The following RAB11FIP5 variants were observed in gnomAD, a reference collection of about 807,000 sequenced individuals.
RAB11FIP5 encodes RAB11 family interacting protein 5.
A neutral mutation model predicts 85.1 loss-of-function variants in RAB11FIP5; 48 were observed. That is an observed-to-expected ratio of 0.56 (90% CI 0.45 to 0.72). RAB11FIP5 has a LOEUF of 0.72. Ranked by LOEUF, RAB11FIP5 falls within the 30% of genes least tolerant of loss-of-function variation. The pLI is 0.00. For missense variants in RAB11FIP5, 1,491 were observed against 1,687.0 expected, an observed-to-expected ratio of 0.88 and a Z score of 2.04; for synonymous variants, 729 against 727.3, an observed-to-expected ratio of 1.00 and a Z score of -0.04.
Position 73,081,476 on chromosome 2 carries a change from C to A in RAB11FIP5, c.1756G>T (p.Glu586Ter). The change falls in exon 4 of 6, where the codon GAA becomes TAA. Residue 586 changes from glutamate to a stop codon, truncating the protein, a stop_gained. Transcript: ENST00000486777. LOFTEE classifies it high-confidence loss of function. The surrounding 1 kb of genome is among the most constrained non-coding windows in gnomAD (Gnocchi z 4.2). ...CCCAATAATCCAGGTGGGGTGGCTT[C>A]AGGGGCGGCGGTGGTGGCGGCAGCG... Reference protein sequence around the residue: ...AAAAATTAAPEATPPGLLGLT... With the variant: ...AAAAATTAAP 1 of 1,234,396 alleles carries A rather than the reference C, an allele frequency of 8.1e-7. No homozygotes were observed. The highest frequency in any genetic ancestry group is 1.0e-6 in the Non-Finnish European group (1 of 989,448). 76.5% of individuals were successfully genotyped at this position (1,234,396 alleles called of 1,614,324 possible). A position where few individuals can be genotyped will look rare whatever the true frequency, so the allele number is the denominator to read the frequency against.
intron 1 of RAB11FIP5, among the ~76,000 whole-genome samples, chr2:73,097,227 G>A (rs1684337089): frequency 1.3e-5 from 2 of 152,176 alleles, no homozygotes; most frequent in South Asian, 2.1e-4. Flanking sequence ...AGTAGAGACG[G>A]GGTTTTTCCA....
In RAB11FIP5 at chr2:73,079,739, C is replaced by A; in HGVS notation, c.3493G>T (p.Glu1165Ter). 1 of 1,232,948 alleles carries A rather than the reference C, an allele frequency of 8.1e-7. No homozygotes were observed. The highest frequency in any genetic ancestry group is 3.2e-5 in the East Asian group (1 of 31,716). The allele number at this position is 1,232,948 out of a possible 1,614,324, so 76.4% of individuals were successfully genotyped here. The stretch of plus-strand genomic sequence containing the variant: ...GCTGGGGTGGCTGCAGCGAGGTCCT[C>A]CCTAAGTAGGGCAGGGGAGCCCCCA... The part of the protein sequence containing the change: ...PPGGSPALLR[E>*]DLAAATPASP... Residue 1165 changes from glutamate to a stop codon, truncating the protein, a stop_gained, in exon 4 of 6, where the codon GAG becomes TAG. Transcript: ENST00000486777. LOFTEE classifies it high-confidence loss of function.
intron 1 of RAB11FIP5, 45 bp downstream of exon 1, chr2:73,112,302 T>G (rs4143146): frequency 0.85 from 1,287,533 of 1,509,238 alleles, 549,941 homozygotes; most frequent in Admixed American, 0.94. Flanking sequence ...AGCCCCGCCC[T>G]GTTAGGCCTT....
intron 1 of RAB11FIP5, among the ~76,000 whole-genome samples, chr2:73,091,282 C>G (rs927034755): frequency 3.9e-5 from 6 of 152,194 alleles, no homozygotes; most frequent in African/African-American, 1.4e-4. Flanking sequence ...CTTAGCAACA[C>G]TGGGCACCAC....
chr2:73,080,729 A>G lies in RAB11FIP5; in HGVS notation c.2503T>C (p.Trp835Arg). ...DVETADDAWPWDVVTISPAAE... is the reference protein window; with the variant it reads ...DVETADDAWPRDVVTISPAAE... ...GCAGGAGAAATGGTGACCACATCCCAAGGCCAGGCATCATCAGCTGTCTCG... is the reference window on the plus strand; with the variant it reads ...GCAGGAGAAATGGTGACCACATCCCGAGGCCAGGCATCATCAGCTGTCTCG... Residue 835 changes from tryptophan (W) to arginine (R), a missense_variant, in exon 4 of 6, where the codon TGG (tryptophan) becomes CGG (arginine). Coordinates refer to ENST00000486777, the MANE Select transcript of RAB11FIP5 (RefSeq NM_001371272.1). 8.1e-7 allele frequency: 1 copy of G among 1,232,542 alleles called. No homozygotes were observed. The allele number at this position is 1,232,542 out of a possible 1,614,324, so 76.4% of individuals were successfully genotyped here.
At position 73,075,850 on chromosome 2, in the gene RAB11FIP5, G is replaced by C. The variant is rs1574291467; in HGVS notation, c.3772-126C>G. The C allele has an allele frequency of 2.8e-6, 4 of 1,447,944 alleles. No individual in the cohort carries two copies. The highest frequency in any genetic ancestry group is 2.5e-4 in the Middle Eastern group (1 of 4,064). The allele number at this position is 1,447,944 out of a possible 1,614,324, so 89.7% of individuals were successfully genotyped here. A position where few individuals can be genotyped will look rare whatever the true frequency, so the allele number is the denominator to read the frequency against. ...ACCACCACAGGGCCCCAGGCTGCCT[G>C]TCTCCAAAGTCAGAGCCTAACTGGC... On this transcript the variant is annotated intron_variant, in intron 5 of 5. Transcript: ENST00000486777. This position sits in a 1 kb window ranked among gnomAD's most constrained non-coding sequence, Gnocchi z 4.6.
chr2:73,075,616 C>T lies in RAB11FIP5; in HGVS notation c.3880G>A (p.Val1294Met). The T allele has an allele frequency of 1.2e-6, 2 of 1,614,142 alleles. No individual in the cohort carries two copies. The highest frequency in any genetic ancestry group is 8.5e-7 in the Non-Finnish European group (1 of 1,180,000). The change falls in exon 6 of 6, where the codon GTG (valine) becomes ATG (methionine). Residue 1294 changes from valine to methionine, a missense_variant. By Grantham distance (21) the Val-to-Met change is conservative (BLOSUM62 1). This residue lies in a region of RAB11FIP5 where 232 missense variants were observed against 259.1 expected (regional missense o/e 0.90). Coordinates refer to ENST00000486777, the MANE Select transcript of RAB11FIP5 (RefSeq NM_001371272.1). This position sits in a 1 kb window ranked among gnomAD's most constrained non-coding sequence, Gnocchi z 4.6. ...TCGATGTAGCTCTCCAGCTCCTGCA[C>T]ATGCTCGTCCCGCTGGCTCAGCTCC... Reference protein sequence around the residue: ...ERELSQRDEHVQELESYIDRL... With the variant: ...ERELSQRDEHMQELESYIDRL...
intron 1 of RAB11FIP5, among the ~76,000 whole-genome samples, chr2:73,106,200 G>A (rs574068716): frequency 6.6e-6 from 1 of 152,328 alleles, no homozygotes; most frequent in South Asian, 2.1e-4. Flanking sequence ...CACCCAGATA[G>A]GCCTTCATCA....
chr2:73,090,231 C>T (rs867147040), intron 1 of RAB11FIP5, among the ~76,000 whole-genome samples: 6 of 152,306 alleles, frequency 3.9e-5, no homozygotes, highest in South Asian at 2.1e-4. Context: ...CCGGTGCACA[C>T]CCACTGTGCC....
rs374041276 is a variant in RAB11FIP5, at chr2:73,089,239, G to A, written c.508C>T (p.Arg170Cys). The A allele has an allele frequency of 5.0e-6, 8 of 1,614,146 alleles. No individual in the cohort carries two copies. The highest frequency in any genetic ancestry group is 1.1e-5 in the South Asian group (1 of 91,084). ...GEIEVTIQFT[R>C]NNLSASMFDL... ...AACATACTGGCGCTCAGGTTGTTGC[G>A]CGTGAACTGGATGGTGACTTCAATC... Residue 170 changes from arginine (R) to cysteine (C), a missense_variant, in exon 2 of 6, where the codon CGC becomes TGC. Coordinates refer to ENST00000486777, the MANE Select transcript of RAB11FIP5 (RefSeq NM_001371272.1). This position sits in a 1 kb window ranked among gnomAD's most constrained non-coding sequence, Gnocchi z 4.6.
chr2:73,079,252 CT>C (rs1329028964), intron 4 of RAB11FIP5, among the ~76,000 whole-genome samples: 2 of 151,782 alleles, frequency 1.3e-5, no homozygotes, highest in East Asian at 1.9e-4. Context: ...GAACTACCCC[CT>C]GATTGACAAG....
intron 1 of RAB11FIP5, among the ~76,000 whole-genome samples, chr2:73,098,466 G>A (rs1684366225): frequency 6.6e-6 from 1 of 152,210 alleles, no homozygotes; most frequent in Non-Finnish European, 1.5e-5. Flanking sequence ...AACAGGGCCC[G>A]GCACACGGGA....
At chr2:73,098,892 C>G (rs979387684) in intron 1 of RAB11FIP5, among the ~76,000 whole-genome samples, 2 of 152,068 alleles carry the variant, frequency 1.3e-5, no homozygotes, top group African/African-American at 4.8e-5. Context: ...GATTATTTTC[C>G]TATCACATTT....
intron 1 of RAB11FIP5, among the ~76,000 whole-genome samples, chr2:73,110,810 C>G (rs1375482068): frequency 4.6e-5 from 7 of 152,108 alleles, no homozygotes; most frequent in African/African-American, 1.7e-4. Context: ...CCCAGCACCC[C>G]CTGAACAGAT....
intron 3 of RAB11FIP5, among the ~76,000 whole-genome samples, chr2:73,085,762 G>A (rs1684080519): frequency 1.3e-5 from 2 of 152,154 alleles, no homozygotes; most frequent in Admixed American, 1.3e-4. Context: ...TACTCAACAC[G>A]TTCAGCCCCG....
In RAB11FIP5 at chr2:73,074,839, G is replaced by A. The variant is rs895486272; in HGVS notation, c.*682C>T. ...CCCCACACATTCCCATGTGACACTCGTGGAAAGGTCAGAGGGGTCAGGGAG... is the reference window on the plus strand; with the variant it reads ...CCCCACACATTCCCATGTGACACTCATGGAAAGGTCAGAGGGGTCAGGGAG... On this transcript the variant is annotated 3_prime_UTR_variant, in exon 6 of 6. Coordinates refer to ENST00000486777, the MANE Select transcript of RAB11FIP5 (RefSeq NM_001371272.1). 1.8e-5 allele frequency: 4 copies of A among 226,452 alleles called. No homozygotes were observed. Among genetic ancestry groups the A allele is most frequent in the East Asian group, 1.0e-4 (1 of 10,006 alleles). The allele number at this position is 226,452 out of a possible 1,614,324, so 14.0% of individuals were successfully genotyped here. A position where few individuals can be genotyped will look rare whatever the true frequency, so the allele number is the denominator to read the frequency against.
In RAB11FIP5 at chr2:73,086,264, C is replaced by T. The variant is rs1684088978; in HGVS notation, c.1568+1786G>A. ...CCCATCTTGGGAGGGATGCTGAGTGCCCTCCATCCTGCTAAAGACAAGGCT... is the reference window on the plus strand; with the variant it reads ...CCCATCTTGGGAGGGATGCTGAGTGTCCTCCATCCTGCTAAAGACAAGGCT... On this transcript the variant is annotated intron_variant, in intron 3 of 5. Coordinates refer to ENST00000486777, the MANE Select transcript of RAB11FIP5 (RefSeq NM_001371272.1). This position sits in a 1 kb window ranked among gnomAD's most constrained non-coding sequence, Gnocchi z 4.4. Among the ~76,000 whole-genome samples, 1 of 152,200 alleles carries T rather than the reference C, an allele frequency of 6.6e-6. No homozygotes were observed. Among genetic ancestry groups the T allele is most frequent in the Non-Finnish European group, 1.5e-5 (1 of 68,040 alleles).
chr2:73,093,483 T>G (rs1489018717), intron 1 of RAB11FIP5, among the ~76,000 whole-genome samples: 1 of 152,184 alleles, frequency 6.6e-6, no homozygotes, highest in African/African-American at 2.4e-5. Context: ...GGCACACAGC[T>G]CCAAAGTAAA....
In RAB11FIP5 at chr2:73,089,376, C is replaced by T. The variant is rs747937857; in HGVS notation, c.432-61G>A. ...GGGCCCAGGGAGCCTGGCTCCCGCC[C>T]GGTACCAGGCACTGCCCAGACCCCT... On this transcript the variant is annotated intron_variant, in intron 1 of 5. Transcript: ENST00000486777. The surrounding 1 kb of genome is among the most constrained non-coding windows in gnomAD (Gnocchi z 4.6). 17 of 1,541,304 alleles carry T rather than the reference C, an allele frequency of 1.1e-5. No individual in the cohort carries two copies. Among genetic ancestry groups the T allele is most frequent in the Non-Finnish European group, 1.2e-5 (14 of 1,123,518 alleles).
Sources: allele counts gnomAD v4.1 joint callset (sites outside exome capture counted in the v4.1 genomes callset), GRCh38; gene constraint gnomAD v4.1.1; regional missense constraint gnomAD v4.1.1; non-coding constraint Gnocchi (gnomAD v3.1); transcripts MANE v1.5; gene names NCBI Gene and HGNC (gene_info 2026-07-23, HGNC 2026-07-21).